The following MALRD1 variants were observed in gnomAD, a reference collection of about 807,000 sequenced individuals.
The protein encoded by MALRD1 is MAM and LDL receptor class A domain containing 1.
A neutral mutation model predicts 242.1 loss-of-function variants in MALRD1; 247 were observed. The observed-to-expected ratio is 1.02, with a 90% CI of 0.92 to 1.13. MALRD1 has a LOEUF of 1.13. Ranked by LOEUF, MALRD1 falls within the 50% of genes most tolerant of loss-of-function variation. MALRD1 has a pLI of 0.00. For missense variants in MALRD1, 2,989 were observed against 2,533.1 expected (o/e 1.18, Z -3.86); for synonymous variants, 995 against 866.6 (o/e 1.15, Z -2.60).
At chr10:19,102,658 C>A (rs915722502) in intron 4 of MALRD1, among the ~76,000 whole-genome samples, 5 of 127,314 alleles carry the variant, frequency 3.9e-5, no homozygotes, top group Non-Finnish European at 6.7e-5. Context: ...ATGAACAAAG[C>A]CTCTAACATC....
intron 29 of MALRD1, among the ~76,000 whole-genome samples, chr10:19,479,968 C>T (rs1836919112): frequency 6.6e-6 from 1 of 152,126 alleles, no homozygotes; most frequent in African/African-American, 2.4e-5. Flanking sequence ...CATGATCTTA[C>T]CTAGTAGCAA....
At position 19,698,223 on chromosome 10, in the gene MALRD1, G is replaced by T. The variant is rs140979443; in HGVS notation, c.6314+5669G>T. On this transcript the variant is annotated intron_variant, in intron 38 of 39. Coordinates refer to ENST00000454679, the MANE Select transcript of MALRD1 (RefSeq NM_001142308.3). ...AATAAAGGGTACCATGATCATTTGA[G>T]GTGTAAAGCTCAGATATAGCTGTTT... 5.9e-3 allele frequency among the ~76,000 whole-genome samples: 904 copies of T among 152,270 alleles called. 15 individuals are homozygous for T. Among genetic ancestry groups the T allele is most frequent in the African/African-American group, 0.016 (670 of 41,548 alleles).
intron 26 of MALRD1, among the ~76,000 whole-genome samples, chr10:19,384,176 G>A (rs1004717006): frequency 6.7e-6 from 1 of 149,190 alleles, no homozygotes; most frequent in African/African-American, 2.5e-5. Context: ...TGTCTTCTTT[G>A]GAGAAATGTC....
chr10:19,551,283 G>A (rs536922994), intron 32 of MALRD1, among the ~76,000 whole-genome samples: 1 of 151,934 alleles, frequency 6.6e-6, no homozygotes, highest in Non-Finnish European at 1.5e-5. Flanking sequence ...ATATTTTTCA[G>A]CACTGTCTTG....
chr10:19,057,742 A>G (rs951934653), intron 1 of MALRD1, among the ~76,000 whole-genome samples: 1 of 152,204 alleles, frequency 6.6e-6, no homozygotes, highest in Non-Finnish European at 1.5e-5. Flanking sequence ...TACAAAATCT[A>G]GCAAGGATAA....
intron 21 of MALRD1, among the ~76,000 whole-genome samples, chr10:19,310,550 C>G (rs1842386451): frequency 6.6e-6 from 1 of 151,558 alleles, no homozygotes; most frequent in Admixed American, 6.6e-5. Context: ...GATAATCCAT[C>G]TTAGTTTTGA....
At chr10:19,342,422 G>A (rs1432984281) in intron 24 of MALRD1, among the ~76,000 whole-genome samples, 1 of 152,062 alleles carries the variant, frequency 6.6e-6, no homozygotes, top group Admixed American at 6.6e-5. Flanking sequence ...TGGCCCTAGA[G>A]CAAAAACAAA....
In MALRD1 at chr10:19,574,364, G is replaced by A. The variant is rs77007484; in HGVS notation, c.5680+6661G>A. Among the ~76,000 whole-genome samples, 428 of 152,314 alleles carry A rather than the reference G, an allele frequency of 2.8e-3. 2 individuals carry two copies. The highest frequency in any genetic ancestry group is 9.7e-3 in the African/African-American group (405 of 41,568). ...GTATGACTAGAGAAATATGTTGAAT[G>A]AAGAGATGATTAAGTAAAAGTCACT... On this transcript the variant is annotated intron_variant, in intron 33 of 39. Transcript: ENST00000454679.
At chr10:19,471,494 T>C (rs896869616) in intron 29 of MALRD1, among the ~76,000 whole-genome samples, 1 of 151,894 alleles carries the variant, frequency 6.6e-6, no homozygotes, top group African/African-American at 2.4e-5. Context: ...TGGATGTGGA[T>C]TGCACTGAAT....
chr10:19,387,818 A>G, intron 27 of MALRD1, 45 bp downstream of exon 27: 1 of 1,520,544 alleles, frequency 6.6e-7, no homozygotes, highest in Non-Finnish European at 8.8e-7. Flanking sequence ...GATTTTCACA[A>G]TGTACATCAA....
chr10:19,258,154 C>T (rs1048118503), intron 19 of MALRD1, among the ~76,000 whole-genome samples: 1 of 152,076 alleles, frequency 6.6e-6, no homozygotes, highest in Non-Finnish European at 1.5e-5. Flanking sequence ...TTAAATATTT[C>T]TAACAATTGT....
chr10:19,671,328 T>A (rs1278807127), intron 36 of MALRD1, among the ~76,000 whole-genome samples: 1 of 152,156 alleles, frequency 6.6e-6, no homozygotes, highest in Non-Finnish European at 1.5e-5. Context: ...CAAAAATAGC[T>A]AAATATTGGC....
chr10:19,633,818 T>G, intron 36 of MALRD1: 1 of 152,246 alleles, frequency 6.6e-6, no homozygotes, highest in African/African-American at 2.4e-5. Context: ...TAAGCCACAG[T>G]TTCTTTCTTT....
chr10:19,329,443 T>TA (rs1324315416), intron 23 of MALRD1, among the ~76,000 whole-genome samples: 2 of 151,802 alleles, frequency 1.3e-5, no homozygotes, highest in Non-Finnish European at 2.9e-5. Flanking sequence ...AATATTTAAT[T>TA]ACAATAATTT....
intron 19 of MALRD1, among the ~76,000 whole-genome samples, chr10:19,270,842 ACG>A (rs1491404426): frequency 2.0e-5 from 3 of 149,742 alleles, no homozygotes; most frequent in Middle Eastern, 3.4e-3. Flanking sequence ...ACACACACAC[ACG>A]CACACACAAA....
At chr10:19,205,886 G>A (rs1836760538) in intron 17 of MALRD1, among the ~76,000 whole-genome samples, 1 of 148,422 alleles carries the variant, frequency 6.7e-6, no homozygotes, top group Non-Finnish European at 1.5e-5. Context: ...GTACAGTGCG[G>A]AAAATAAGTT....
intron 24 of MALRD1, among the ~76,000 whole-genome samples, chr10:19,343,971 G>T (rs1193187654): frequency 6.6e-6 from 1 of 151,848 alleles, no homozygotes; most frequent in African/African-American, 2.4e-5. Context: ...TATCCCCTTG[G>T]CTGAAATATC....
intron 32 of MALRD1, among the ~76,000 whole-genome samples, chr10:19,541,493 T>A (rs1404238040): frequency 6.6e-6 from 1 of 152,228 alleles, no homozygotes; most frequent in Non-Finnish European, 1.5e-5. Flanking sequence ...TGAAATCATT[T>A]GTACAATATG....
chr10:19,613,654 C>T (rs142284702), intron 35 of MALRD1, among the ~76,000 whole-genome samples: 35 of 152,206 alleles, frequency 2.3e-4, no homozygotes, highest in African/African-American at 8.2e-4. Flanking sequence ...GTTGACTTGA[C>T]ACACTGCAGC....
Sources: gnomAD v4.1 joint callset for allele counts (sites outside exome capture counted in the v4.1 genomes callset) on GRCh38, gnomAD v4.1.1 for gene constraint, MANE v1.5 for transcripts, NCBI Gene and HGNC (gene_info 2026-07-23, HGNC 2026-07-21) for gene names.